The following CDKL5 variants were observed in gnomAD, a reference collection of about 807,000 sequenced individuals.
CDKL5 encodes the protein cyclin-dependent kinase-like 5.
Under a neutral mutation model 61.7 loss-of-function variants are expected in CDKL5, and 8 were observed. The ratio of observed to expected loss-of-function variants is 0.13; its 90% confidence interval spans 0.08 to 0.23. The LOEUF (loss-of-function observed/expected upper bound fraction) is 0.23, where lower values mean the gene tolerates loss of function less well. Ranked by LOEUF, CDKL5 falls within the 10% of genes least tolerant of loss-of-function variation. The probability of loss-of-function intolerance (pLI) is 1.00; values close to 1 mark genes in which losing one functional copy is unlikely to be tolerated. For missense variants in CDKL5, 440 were observed against 734.5 expected, an observed-to-expected ratio of 0.60 and a Z score of 4.63; for synonymous variants, 275 against 272.3, an observed-to-expected ratio of 1.01 and a Z score of -0.10.
intron 1 of CDKL5, among the ~76,000 whole-genome samples, chrX:18,447,080 GA>G (rs1318324714): frequency 9.0e-6 from 1 of 111,546 alleles, no homozygotes; most frequent in Admixed American, 9.6e-5. Context: ...TTGCCTCCAG[GA>G]GACATTTGGC....
intron 1 of CDKL5, among the ~76,000 whole-genome samples, chrX:18,469,666 A>T (rs921866295): frequency 3.7e-4 from 41 of 110,195 alleles, no homozygotes; most frequent in Admixed American, 2.9e-3. Context: ...AAAAAAAAAA[A>T]TTTCATTGAA....
At chrX:18,495,846 A>C (rs138439014) in intron 1 of CDKL5, among the ~76,000 whole-genome samples, 1 of 111,331 alleles carries the variant, frequency 9.0e-6, no homozygotes, top group African/African-American at 3.3e-5. Flanking sequence ...CCCCTTCCCA[A>C]CTGCCATAAC....
In CDKL5 at chrX:18,625,159, C is replaced by T. The variant is rs1005844306; in HGVS notation, c.2408C>T (p.Thr803Met). Residue 803 changes from threonine to methionine, a missense_variant, in exon 17 of 18, where the codon ACG (threonine) becomes ATG (methionine). Physicochemically the swap from Thr to Met is moderately conservative, Grantham distance 81 (BLOSUM62 -1). Transcript: ENST00000623535. ...AATTCCGACAGCCCTGATCTTCTGA[C>T]GTTGCAGAAATCCATTCATTCTGCT... The part of the protein sequence containing the change: ...VPNSDSPDLL[T>M]LQKSIHSAST... The T allele has an allele frequency of 7.5e-6, 9 of 1,204,012 alleles. No individual in the cohort carries two copies. Among genetic ancestry groups the T allele is most frequent in the Non-Finnish European group, 1.0e-5 (9 of 891,916 alleles).
chrX:18,653,344 C>T (rs1409589954), intron 21 of CDKL5: 1 of 1,167,890 alleles, frequency 8.6e-7, no homozygotes, highest in Non-Finnish European at 1.1e-6. Flanking sequence ...GCCTTCTGCT[C>T]CGTGGGGGGC....
At chrX:18,452,168 G>A (rs1036166126) in intron 1 of CDKL5, among the ~76,000 whole-genome samples, 1 of 111,311 alleles carries the variant, frequency 9.0e-6, no homozygotes, top group Non-Finnish European at 1.9e-5. Flanking sequence ...ATTATAATTA[G>A]GCTCAGACTC....
intron 3 of CDKL5, among the ~76,000 whole-genome samples, chrX:18,558,545 A>T (rs915458952): frequency 8.9e-6 from 1 of 111,954 alleles, no homozygotes; most frequent in African/African-American, 3.2e-5. Flanking sequence ...TTAAGAAACT[A>T]AACATCGAAG....
chrX:18,510,301 C>A (rs903703757), intron 2 of CDKL5, among the ~76,000 whole-genome samples: 38 of 111,664 alleles, frequency 3.4e-4, no homozygotes, highest in African/African-American at 1.2e-3. Context: ...ATTACAGGCA[C>A]CTGCAACTAT....
chrX:18,647,380 C>T, intron 20 of CDKL5: 13 of 1,180,888 alleles, frequency 1.1e-5, no homozygotes, highest in Non-Finnish European at 1.5e-5. Flanking sequence ...CAATACTCAA[C>T]AAGCACCAGG....
chrX:18,553,890 TAC>T (rs1924496081), intron 3 of CDKL5, among the ~76,000 whole-genome samples: 1 of 111,054 alleles, frequency 9.0e-6, no homozygotes, highest in African/African-American at 3.3e-5. Flanking sequence ...ATGAAGTAAA[TAC>T]ACAGTTTTTC....
At chrX:18,541,333 A>G (rs900225877) in intron 3 of CDKL5, among the ~76,000 whole-genome samples, 5 of 111,613 alleles carry the variant, frequency 4.5e-5, no homozygotes, top group African/African-American at 1.6e-4. Flanking sequence ...TTATAGTGCC[A>G]CATGTCTCTG....
intron 21 of CDKL5, chrX:18,650,675 C>A: frequency 9.7e-7 from 1 of 1,028,531 alleles, no homozygotes; most frequent in Non-Finnish European, 1.4e-6. Context: ...TGCAGATGTT[C>A]AGGCCACACC....
At position 18,631,462 on chromosome X, in the gene CDKL5, C is replaced by T; in HGVS notation, c.*2705C>T. The T allele has an allele frequency of 2.7e-6, 2 of 753,919 alleles. No homozygotes were observed. The highest frequency in any genetic ancestry group is 2.3e-5 in the African/African-American group (1 of 43,804). The allele number at this position is 753,919 out of a possible 1,213,427, so 62.1% of individuals were successfully genotyped here. A position where few individuals can be genotyped will look rare whatever the true frequency, so the allele number is the denominator to read the frequency against. ...AGTTTTCTCTCACACCTAATGGGCC[C>T]TCTCTTAGCTTTTAACTGTTGTTTT... On this transcript the variant is annotated 3_prime_UTR_variant, in exon 18 of 18. Transcript: ENST00000623535.
chrX:18,563,760 A>G (rs1232173904), intron 3 of CDKL5, among the ~76,000 whole-genome samples: 1 of 112,094 alleles, frequency 8.9e-6, no homozygotes, highest in African/African-American at 3.2e-5. Flanking sequence ...AAGCTTTTTT[A>G]TTCCTTTTAT....
chrX:18,495,800 A>T (rs1454580771), intron 1 of CDKL5, among the ~76,000 whole-genome samples: 1 of 111,994 alleles, frequency 8.9e-6, no homozygotes, highest in Non-Finnish European at 1.9e-5. Flanking sequence ...GCCTTCTCAG[A>T]CAACCTTCCC....
At chrX:18,452,221 TTTAATAGAATAAGTGA>T (rs1270094921) in intron 1 of CDKL5, among the ~76,000 whole-genome samples, 1 of 111,637 alleles carries the variant, frequency 9.0e-6, no homozygotes, top group Non-Finnish European at 1.9e-5. Flanking sequence ...ATATACAAAC[TTTAATAGAATAAGTGA>T]TTACTGTCTC....
At position 18,576,897 on chromosome X, in the gene CDKL5, C is replaced by G. The variant is rs1925317320; in HGVS notation, c.282+1407C>G. Among the ~76,000 whole-genome samples the G allele has an allele frequency of 8.7e-5, 9 of 102,973 alleles. No individual in the cohort carries two copies. In the South Asian group the frequency reaches 4.1e-3, roughly 47 times the overall value. The allele number at this position is 102,973 out of a possible 115,157, so 89.4% of individuals were successfully genotyped here. On this transcript the variant is annotated intron_variant, in intron 5 of 17. Transcript: ENST00000623535. The stretch of plus-strand genomic sequence containing the variant: ...CCAGATGCTCTTTATTTTTTAAAAA[C>G]TTTTTAGAGATGGTGTCTCACTATG...
chrX:18,639,948 A>G lies in CDKL5; in HGVS notation c.*11191A>G, dbSNP rs1927505574. The G allele has an allele frequency of 1.8e-5, 2 of 112,084 alleles. No homozygotes were observed. The highest frequency in any genetic ancestry group is 7.4e-4 in the South Asian group (2 of 2,685). The allele number at this position is 112,084 out of a possible 1,213,427, so 9.2% of individuals were successfully genotyped here. Reference sequence around the variant, plus strand: ...ATGATTTCATTTATGTAGAACGTCCAGAAGGCCAATCTACAGAGACAGTCG... The same window carrying G: ...ATGATTTCATTTATGTAGAACGTCCGGAAGGCCAATCTACAGAGACAGTCG... On this transcript the variant is annotated 3_prime_UTR_variant, in exon 18 of 18. Coordinates refer to ENST00000623535, the MANE Select transcript of CDKL5 (RefSeq NM_001323289.2).
chrX:18,527,727 A>G (rs894454546), intron 3 of CDKL5, among the ~76,000 whole-genome samples: 11 of 111,371 alleles, frequency 9.9e-5, no homozygotes, highest in Admixed American at 5.7e-4. Context: ...ACTGTAATTA[A>G]AAATTTTTTT....
intron 12 of CDKL5, 94 bp downstream of exon 12, chrX:18,604,962 C>T: frequency 2.0e-6 from 2 of 1,008,444 alleles, no homozygotes; most frequent in Non-Finnish European, 1.4e-6. Flanking sequence ...TTCCCTACTA[C>T]AGGAGGTTGT....
Sources: gnomAD v4.1 joint callset for allele counts (sites outside exome capture counted in the v4.1 genomes callset) on GRCh38, gnomAD v4.1.1 for gene constraint, MANE v1.5 for transcripts, NCBI Gene and HGNC (gene_info 2026-07-23, HGNC 2026-07-21) for gene names.